RAD51C: variants seen among roughly 807,000 people sequenced by gnomAD.
The protein encoded by RAD51C is DNA repair protein RAD51 homolog 3.
A neutral mutation model predicts 45.0 loss-of-function variants in RAD51C; 42 were observed. That is an observed-to-expected ratio of 0.93 (90% CI 0.73 to 1.21). The LOEUF is 1.21. Among genes scored for constraint, RAD51C ranks in the 50% most tolerant of loss-of-function variants. The pLI is 0.00. For missense variants in RAD51C, 474 were observed against 452.2 expected, an observed-to-expected ratio of 1.05 and a Z score of -0.44; for synonymous variants, 172 against 159.8, an observed-to-expected ratio of 1.08 and a Z score of -0.58.
intron 3 of RAD51C, among the ~76,000 whole-genome samples, chr17:58,698,952 T>A (rs894238753): frequency 2.0e-5 from 3 of 151,598 alleles, no homozygotes; most frequent in Admixed American, 2.0e-4. Flanking sequence ...TATATTCAAG[T>A]TCTTATTCTT....
intron 3 of RAD51C, among the ~76,000 whole-genome samples, chr17:58,702,074 C>T (rs947905597): frequency 1.3e-5 from 2 of 151,378 alleles, no homozygotes; most frequent in Non-Finnish European, 2.9e-5. Context: ...TTGCTTACTG[C>T]AGCCTTGACC....
At chr17:58,711,808 G>A (rs2048566185) in intron 5 of RAD51C, among the ~76,000 whole-genome samples, 1 of 151,846 alleles carries the variant, frequency 6.6e-6, no homozygotes, top group Non-Finnish European at 1.5e-5. Flanking sequence ...GTAGGGTTAG[G>A]GACACACTTT....
intron 5 of RAD51C, among the ~76,000 whole-genome samples, chr17:58,714,107 C>G (rs2048649797): frequency 6.6e-6 from 1 of 152,006 alleles, no homozygotes; most frequent in Non-Finnish European, 1.5e-5. Flanking sequence ...TCCACAGTCT[C>G]CCGAATAGCT....
Position 58,692,731 on chromosome 17 carries a change from G to T in RAD51C, c.88G>T (p.Ala30Ser), listed in dbSNP as rs1331134740. The change falls in exon 1 of 9, where the codon GCG becomes TCG. Residue 30 changes from alanine to serine, a missense_variant. Physicochemically the swap from Ala to Ser is moderately conservative, Grantham distance 99. Coordinates refer to ENST00000337432, the MANE Select transcript of RAD51C (RefSeq NM_058216.3). ...SPAVRVKLVS[A>S]GFQTAEELLE... ...AGCGGTGCGGGTGAAGCTGGTGTCTGCGGGGTTCCAGACTGCTGAGGAACT... is the reference window on the plus strand; with the variant it reads ...AGCGGTGCGGGTGAAGCTGGTGTCTTCGGGGTTCCAGACTGCTGAGGAACT... The T allele has an allele frequency of 1.9e-6, 3 of 1,614,254 alleles. No individual in the cohort carries two copies. The East Asian group carries it at 6.7e-5, about 36-fold the overall frequency.
intron 5 of RAD51C, among the ~76,000 whole-genome samples, chr17:58,712,100 G>A (rs998708272): frequency 6.6e-6 from 1 of 151,832 alleles, no homozygotes; most frequent in African/African-American, 2.4e-5. Flanking sequence ...TGTAATGCCA[G>A]CACTTTGGGA....
At chr17:58,713,307 G>A (rs1317510042) in intron 5 of RAD51C, among the ~76,000 whole-genome samples, 4 of 151,872 alleles carry the variant, frequency 2.6e-5, no homozygotes, top group Non-Finnish European at 4.4e-5. Flanking sequence ...CTGTATGACT[G>A]TAGCATAGGT....
At chr17:58,696,895 A>G (rs2048037519) in intron 3 of RAD51C, 36 bp downstream of exon 3, 3 of 1,607,152 alleles carry the variant, frequency 1.9e-6, no homozygotes, top group Non-Finnish European at 2.6e-6. Flanking sequence ...TTTCTGTATT[A>G]ATAAAAGTAA....
At chr17:58,726,740 C>T (rs78253932) in intron 7 of RAD51C, among the ~76,000 whole-genome samples, 1 of 151,620 alleles carries the variant, frequency 6.6e-6, no homozygotes, top group African/African-American at 2.4e-5. Flanking sequence ...AATAGTGTTA[C>T]CAGATGAGAT....
intron 7 of RAD51C, among the ~76,000 whole-genome samples, chr17:58,727,458 TATA>T (rs1425254812): frequency 6.6e-6 from 1 of 152,186 alleles, no homozygotes; most frequent in Non-Finnish European, 1.5e-5. Flanking sequence ...TCTTTTCTTC[TATA>T]ATAACTGTTT....
At chr17:58,723,587 A>G (rs1485897593) in intron 6 of RAD51C, among the ~76,000 whole-genome samples, 10 of 152,026 alleles carry the variant, frequency 6.6e-5, no homozygotes, top group Non-Finnish European at 1.5e-5. Context: ...TATACTGTAT[A>G]TGACTGACAA....
intron 7 of RAD51C, among the ~76,000 whole-genome samples, chr17:58,727,056 G>A (rs955013362): frequency 2.6e-5 from 4 of 151,682 alleles, no homozygotes; most frequent in Non-Finnish European, 4.4e-5. Flanking sequence ...TTCTGACCTC[G>A]TGATCCACCC....
At chr17:58,712,729 A>T (rs933613936) in intron 5 of RAD51C, among the ~76,000 whole-genome samples, 1 of 152,050 alleles carries the variant, frequency 6.6e-6, no homozygotes, top group Non-Finnish European at 1.5e-5. Flanking sequence ...CTGAGGCAGG[A>T]GAATGGCATG....
At chr17:58,733,446 T>C (rs541333159) in intron 8 of RAD51C, among the ~76,000 whole-genome samples, 4 of 152,330 alleles carry the variant, frequency 2.6e-5, no homozygotes, top group African/African-American at 9.6e-5. Context: ...AGAAATATCA[T>C]AGTTGGAAAA....
At chr17:58,725,878 G>C (rs1288499160) in intron 7 of RAD51C, among the ~76,000 whole-genome samples, 1 of 151,778 alleles carries the variant, frequency 6.6e-6, no homozygotes, top group Non-Finnish European at 1.5e-5. Context: ...TTTAGTCCCA[G>C]CTACTCAGGA....
rs574955804 is a variant in RAD51C, at chr17:58,717,924, C to T, written c.838-2822C>T. Reference sequence around the variant, plus strand: ...AGATGGATCACAGATTTCTCCTTTGCGGTGAAACAGAAATTTTAGGGTGTT... The same window carrying T: ...AGATGGATCACAGATTTCTCCTTTGTGGTGAAACAGAAATTTTAGGGTGTT... On this transcript the variant is annotated intron_variant, in intron 5 of 8. Transcript: ENST00000337432. 1.7e-4 allele frequency among the ~76,000 whole-genome samples: 26 copies of T among 152,248 alleles called. No individual in the cohort carries two copies. The South Asian group carries it at 3.5e-3, about 21-fold the overall frequency.
intron 4 of RAD51C, 120 bp from the exon 5 acceptor site, chr17:58,709,739 A>G: frequency 1.0e-6 from 1 of 972,830 alleles, no homozygotes; most frequent in Non-Finnish European, 1.5e-6. Context: ...TATAGTAAAT[A>G]AGACAGAAGA....
intron 8 of RAD51C, among the ~76,000 whole-genome samples, chr17:58,733,055 G>A (rs557742766): frequency 5.5e-4 from 83 of 151,868 alleles, no homozygotes; most frequent in Non-Finnish European, 9.0e-4. Context: ...TCTCTGCGTC[G>A]CCCAGGCTGG....
chr17:58,701,019 C>T lies in RAD51C; in HGVS notation c.572-2177C>T, dbSNP rs573546475. On this transcript the variant is annotated intron_variant, in intron 3 of 8. Coordinates refer to ENST00000337432, the MANE Select transcript of RAD51C (RefSeq NM_058216.3). ...CTCAGGTGATCCTCTCACTTCAGCC[C>T]CCCAAGTAGCTGGGGCTACAGGTGG... Among the ~76,000 whole-genome samples, 3 of 152,144 alleles carry T rather than the reference C, an allele frequency of 2.0e-5. No homozygotes were observed. In the East Asian group the frequency reaches 5.9e-4, roughly 30 times the overall value.
Position 58,703,180 on chromosome 17 carries a change from T to G in RAD51C, c.572-16T>G, listed in dbSNP as rs1555597053. The stretch of plus-strand genomic sequence containing the variant: ...CCAAACAGGTAAAACTAATTAAGAG[T>G]GTTTTGTTGTTTCAGAACACCGAAA... On this transcript the variant is annotated splice_polypyrimidine_tract_variant and intron_variant, in intron 3 of 8. Transcript: ENST00000337432. 6.2e-7 allele frequency: 1 copy of G among 1,608,632 alleles called. No homozygotes were observed. Among genetic ancestry groups the G allele is most frequent in the Admixed American group, 1.7e-5 (1 of 59,968 alleles).
Sources: gnomAD v4.1 joint callset for allele counts (sites outside exome capture counted in the v4.1 genomes callset) on GRCh38, gnomAD v4.1.1 for gene constraint, MANE v1.5 for transcripts, NCBI Gene and HGNC (gene_info 2026-07-23, HGNC 2026-07-21) for gene names.